ARL13B: variants seen among roughly 807,000 people sequenced by gnomAD.
The protein encoded by ARL13B is ARF like GTPase 13B.
A neutral mutation model predicts 56.1 loss-of-function variants in ARL13B; 36 were observed. The ratio of observed to expected loss-of-function variants is 0.64; its 90% CI spans 0.49 to 0.85. The LOEUF (loss-of-function observed/expected upper bound fraction) is 0.85, where lower values mean the gene tolerates loss of function less well. Among genes scored for constraint, ARL13B ranks in the 40% least tolerant of loss-of-function variants. The pLI is 0.00. For synonymous variants in ARL13B, 178 were observed against 171.1 expected (o/e 1.04, Z -0.32); for missense variants, 519 against 507.1 (o/e 1.02, Z -0.23).
intron 1 of ARL13B, among the ~76,000 whole-genome samples, chr3:93,986,190 G>A (rs56364604): frequency 0.19 from 28,564 of 152,080 alleles, 3,235 homozygotes; most frequent in Non-Finnish European, 0.25. Flanking sequence ...AAAGGACCTA[G>A]AGACATTCTT....
intron 7 of ARL13B, among the ~76,000 whole-genome samples, chr3:94,047,312 G>T (rs1032758709): frequency 6.6e-6 from 1 of 152,110 alleles, no homozygotes; most frequent in Non-Finnish European, 1.5e-5. Flanking sequence ...TGTCAGTTGG[G>T]AAGTTAGGGC....
intron 2 of ARL13B, among the ~76,000 whole-genome samples, chr3:93,999,956 C>T (rs192545820): frequency 3.3e-5 from 5 of 152,300 alleles, no homozygotes; most frequent in Admixed American, 1.3e-4. Flanking sequence ...AGTGTTCTCC[C>T]TCACCTACAT....
chr3:94,039,532 A>G lies in ARL13B; in HGVS notation c.690-348A>G, dbSNP rs1255657112. ...AAAAAAAAAAAAAAGAATAATTACT[A>G]TTTGTTAACACCAGTAAAGAGGACA... On this transcript the variant is annotated intron_variant, in intron 5 of 9. Transcript: ENST00000394222. Among the ~76,000 whole-genome samples, 5 of 150,912 alleles carry G rather than the reference A, an allele frequency of 3.3e-5. 1 individual carries two copies. In the East Asian group the frequency reaches 7.8e-4, roughly 23 times the overall value.
intron 5 of ARL13B, among the ~76,000 whole-genome samples, chr3:94,037,144 G>A (rs1210543033): frequency 1.3e-5 from 2 of 152,146 alleles, no homozygotes; most frequent in Non-Finnish European, 2.9e-5. Context: ...CTATTGGGTA[G>A]AGGCCAGGGA....
At chr3:94,023,337 T>C (rs2076488459) in intron 3 of ARL13B, among the ~76,000 whole-genome samples, 1 of 152,130 alleles carries the variant, frequency 6.6e-6, no homozygotes, top group Non-Finnish European at 1.5e-5. Context: ...TCTGTTTTTA[T>C]ATTTCCTTTC....
chr3:93,995,619 T>A (rs1286411756), intron 1 of ARL13B, among the ~76,000 whole-genome samples: 2 of 152,186 alleles, frequency 1.3e-5, no homozygotes, highest in African/African-American at 4.8e-5. Context: ...CCTTATTCTC[T>A]GTCCTTTGGA....
intron 3 of ARL13B, among the ~76,000 whole-genome samples, chr3:94,011,390 T>C (rs1444888507): frequency 6.6e-6 from 1 of 152,166 alleles, no homozygotes. Context: ...TTAGAATGTT[T>C]GTTGTTCTCT....
chr3:93,996,631 G>A (rs1283019433), intron 2 of ARL13B: 4 of 438,520 alleles, frequency 9.1e-6, no homozygotes. Context: ...TTCTGCCTTG[G>A]CCTCCAAGAG....
At chr3:93,984,057 T>A (rs941632224) in intron 1 of ARL13B, among the ~76,000 whole-genome samples, 1 of 152,224 alleles carries the variant, frequency 6.6e-6, no homozygotes, top group African/African-American at 2.4e-5. Flanking sequence ...AAAGGAAATG[T>A]TAAGAAAGTC....
chr3:94,044,987 C>T (rs1012833498), intron 7 of ARL13B, among the ~76,000 whole-genome samples: 2 of 152,120 alleles, frequency 1.3e-5, no homozygotes, highest in Admixed American at 6.5e-5. Flanking sequence ...ATGACGATGG[C>T]GGTTTTGTCG....
chr3:94,005,340 G>A (rs1486433293), intron 3 of ARL13B, among the ~76,000 whole-genome samples: 4 of 152,174 alleles, frequency 2.6e-5, no homozygotes, highest in Non-Finnish European at 5.9e-5. Flanking sequence ...TATGGTGGTA[G>A]TGATGACAAG....
At chr3:93,995,191 A>G (rs568192646) in intron 1 of ARL13B, among the ~76,000 whole-genome samples, 22 of 152,304 alleles carry the variant, frequency 1.4e-4, no homozygotes, top group Admixed American at 3.9e-4. Flanking sequence ...CCTGTCCCAC[A>G]TTTAAATCCC....
chr3:93,999,459 G>A (rs2076018950), intron 2 of ARL13B, among the ~76,000 whole-genome samples: 1 of 151,944 alleles, frequency 6.6e-6, no homozygotes, highest in Non-Finnish European at 1.5e-5. Flanking sequence ...AATTTTGTGA[G>A]TACATAGTAG....
At chr3:94,008,617 C>A (rs2076171410) in intron 3 of ARL13B, among the ~76,000 whole-genome samples, 1 of 152,094 alleles carries the variant, frequency 6.6e-6, no homozygotes, top group Non-Finnish European at 1.5e-5. Flanking sequence ...ACACTGATGT[C>A]ATAAGAAAGC....
intron 7 of ARL13B, among the ~76,000 whole-genome samples, chr3:94,044,525 G>A (rs865991780): frequency 4.2e-5 from 6 of 141,554 alleles, no homozygotes; most frequent in Middle Eastern, 5.2e-3. Context: ...GAGCGCTTCT[G>A]CCTGGCCGCT....
At chr3:93,981,881 A>AG (rs1167659450) in intron 1 of ARL13B, among the ~76,000 whole-genome samples, 2 of 151,064 alleles carry the variant, frequency 1.3e-5, no homozygotes, top group East Asian at 1.9e-4. Flanking sequence ...AAAAAAAAAA[A>AG]AAAAAAAAGA....
At chr3:94,043,314 A>C in intron 7 of ARL13B, 74 bp downstream of exon 7, 1 of 1,346,506 alleles carries the variant, frequency 7.4e-7, no homozygotes, top group Non-Finnish European at 1.0e-6. Context: ...CTCATTTTTT[A>C]TGTTTGTTTT....
At chr3:94,036,971 C>T (rs932884357) in intron 5 of ARL13B, among the ~76,000 whole-genome samples, 24 of 152,108 alleles carry the variant, frequency 1.6e-4, no homozygotes, top group Middle Eastern at 3.2e-3. Context: ...TTACTCCTTA[C>T]GTAGCCATTG....
chr3:94,013,629 TAA>T (rs1206602789), intron 3 of ARL13B, among the ~76,000 whole-genome samples: 1 of 152,180 alleles, frequency 6.6e-6, no homozygotes, highest in Admixed American at 6.6e-5. Flanking sequence ...GACATTGAGT[TAA>T]GTTACCTTCT....
Sources: gnomAD v4.1 joint callset for allele counts (sites outside exome capture counted in the v4.1 genomes callset) on GRCh38, gnomAD v4.1.1 for gene constraint, MANE v1.5 for transcripts, NCBI Gene and HGNC (gene_info 2026-07-23, HGNC 2026-07-21) for gene names.